The following SCML4 variants were observed in gnomAD, a reference collection of about 807,000 sequenced individuals.
SCML4 encodes the protein sex comb on midleg-like protein 4.
In SCML4, 34 loss-of-function variants were observed where a neutral mutation model predicts 41.1. The observed-to-expected ratio is 0.83, with a 90% CI of 0.63 to 1.10. SCML4 has a LOEUF of 1.10. Ranked by LOEUF, SCML4 falls within the 50% of genes least tolerant of loss-of-function variation. The pLI is 0.00. For missense variants in SCML4, 522 were observed against 534.1 expected, an observed-to-expected ratio of 0.98 and a Z score of 0.22; for synonymous variants, 214 against 220.9, an observed-to-expected ratio of 0.97 and a Z score of 0.28.
At chr6:107,751,913 G>A (rs183958628) in intron 2 of SCML4, among the ~76,000 whole-genome samples, 243 of 152,202 alleles carry the variant, frequency 1.6e-3, no homozygotes, top group African/African-American at 4.9e-3. Context: ...GATTACAGGC[G>A]TGAGCCACTG....
At chr6:107,827,228 A>C (rs1200173370), upstream of SCML4, among the ~76,000 whole-genome samples, 1 of 147,142 alleles carries the variant, frequency 6.8e-6, no homozygotes, top group Non-Finnish European at 1.5e-5. Context: ...ATATATCTTT[A>C]TATTTTTATT....
intron 5 of SCML4, among the ~76,000 whole-genome samples, chr6:107,737,813 G>A (rs1174969710): frequency 6.6e-6 from 1 of 152,146 alleles, no homozygotes; most frequent in Non-Finnish European, 1.5e-5. Flanking sequence ...TTTGGGTGAT[G>A]GGTGTCCTAA....
intron 1 of SCML4, among the ~76,000 whole-genome samples, chr6:107,785,141 T>A (rs938618785): frequency 2.4e-4 from 36 of 152,230 alleles, no homozygotes; most frequent in African/African-American, 7.5e-4. Context: ...TTTTATTTTC[T>A]AATTTTCTTA....
chr6:107,747,262 C>T (rs1778205175), intron 3 of SCML4, among the ~76,000 whole-genome samples: 1 of 152,198 alleles, frequency 6.6e-6, no homozygotes, highest in African/African-American at 2.4e-5. Context: ...TCCAAAGGAG[C>T]TGTCAAGCTA....
chr6:107,791,096 GC>G (rs1351206522), intron 1 of SCML4, among the ~76,000 whole-genome samples: 2 of 147,884 alleles, frequency 1.4e-5, no homozygotes, highest in Non-Finnish European at 3.0e-5. Flanking sequence ...CACTGAACAA[GC>G]CCAGGGTCAC....
intron 2 of SCML4, among the ~76,000 whole-genome samples, chr6:107,762,064 A>C (rs1399519378): frequency 6.6e-6 from 1 of 152,182 alleles, no homozygotes; most frequent in African/African-American, 2.4e-5. Flanking sequence ...AAAAGAAAAA[A>C]TTAAAATGCA....
rs1288347228 is a variant in SCML4 at position 107,824,274 on chromosome 6, G to C, written c.-208C>G. On this transcript the variant is annotated 5_prime_UTR_variant, in exon 1 of 8. Coordinates refer to ENST00000369020, the MANE Select transcript of SCML4 (RefSeq NM_198081.5). Reference sequence around the variant, plus strand: ...AGTAGCTCACAGTTAGTCTCCAGCAGCCCTGCGCTCCAGCTGCAAACATCT... The same window carrying C: ...AGTAGCTCACAGTTAGTCTCCAGCACCCCTGCGCTCCAGCTGCAAACATCT... 2 of 152,212 alleles carry C rather than the reference G, an allele frequency of 1.3e-5. No individual in the cohort carries two copies. Among genetic ancestry groups the C allele is most frequent in the African/African-American group, 4.8e-5 (2 of 41,418 alleles). The allele number at this position is 152,212 out of a possible 1,614,324, so 9.4% of individuals were successfully genotyped here. A position where few individuals can be genotyped will look rare whatever the true frequency, so the allele number is the denominator to read the frequency against.
At chr6:107,836,812 T>G in the SCML4 span, among the ~76,000 whole-genome samples, 1 of 152,194 alleles carries the variant, frequency 6.6e-6, no homozygotes, top group African/African-American at 2.4e-5. Context: ...AGAATCTGCC[T>G]ACATTTAGCC....
intron 1 of SCML4, among the ~76,000 whole-genome samples, chr6:107,805,934 G>T (rs943856920): frequency 2.0e-5 from 3 of 152,334 alleles, no homozygotes; most frequent in African/African-American, 7.2e-5. Context: ...TGGGAGCCAA[G>T]GGATTGTCAT....
chr6:107,816,169 A>G (rs1046664006), intron 1 of SCML4, among the ~76,000 whole-genome samples: 2 of 152,222 alleles, frequency 1.3e-5, no homozygotes, highest in African/African-American at 4.8e-5. Context: ...CCCCATTTGT[A>G]TGTTGGCAGT....
intron 5 of SCML4, among the ~76,000 whole-genome samples, chr6:107,744,470 C>A (rs1327788182): frequency 6.6e-6 from 1 of 152,212 alleles, no homozygotes; most frequent in Non-Finnish European, 1.5e-5. Flanking sequence ...ATAATAGACA[C>A]TTTGTTGCAC....
At position 107,782,532 on chromosome 6, in the gene SCML4, C is replaced by A. The variant is rs1781587875; in HGVS notation, c.-59-10146G>T. On this transcript the variant is annotated intron_variant, in intron 1 of 7. Coordinates refer to ENST00000369020, the MANE Select transcript of SCML4 (RefSeq NM_198081.5). ...TGCACGTGGGGCCCTGGGCTGTTTC[C>A]CTCAGCTGCATTTCTTACTCTTCTC... Among the ~76,000 whole-genome samples, 4 of 152,386 alleles carry A rather than the reference C, an allele frequency of 2.6e-5. No individual in the cohort carries two copies. The South Asian group carries it at 8.3e-4, about 32-fold the overall frequency.
chr6:107,799,700 A>G, intron 1 of SCML4, among the ~76,000 whole-genome samples: 1 of 151,734 alleles, frequency 6.6e-6, no homozygotes, highest in South Asian at 2.1e-4. Context: ...CCTGTAAATC[A>G]TTGCTTTCTT....
At chr6:107,806,554 C>T (rs550436730) in intron 1 of SCML4, among the ~76,000 whole-genome samples, 1 of 152,370 alleles carries the variant, frequency 6.6e-6, no homozygotes, top group East Asian at 1.9e-4. Flanking sequence ...ATGCTGGCCT[C>T]TGGTGGGCCC....
chr6:107,772,796 C>A (rs1780625745), intron 1 of SCML4, among the ~76,000 whole-genome samples: 1 of 152,184 alleles, frequency 6.6e-6, no homozygotes, highest in South Asian at 2.1e-4. Flanking sequence ...TCACTCCTAT[C>A]TCTTTGCTTG....
rs985542910 is a variant in SCML4 at position 107,755,219 on chromosome 6, G to A, written c.157-5406C>T. Among the ~76,000 whole-genome samples, 5 of 152,156 alleles carry A rather than the reference G, an allele frequency of 3.3e-5. No individual in the cohort carries two copies. In the East Asian group the frequency reaches 7.7e-4, roughly 23 times the overall value. ...ATTTCTGCCCAACTGAAATTACAGG[G>A]ATTAGATTAAATTGCCTGATTGCAA... is the stretch of plus-strand genomic sequence containing the variant. On this transcript the variant is annotated intron_variant, in intron 2 of 7. Coordinates refer to ENST00000369020, the MANE Select transcript of SCML4 (RefSeq NM_198081.5).
Position 107,739,787 on chromosome 6 carries a change from G to A in SCML4, c.682+5162C>T, listed in dbSNP as rs150483225. Among the ~76,000 whole-genome samples, 791 of 152,290 alleles carry A rather than the reference G, an allele frequency of 5.2e-3. 3 individuals carry two copies. The highest frequency in any genetic ancestry group is 8.4e-3 in the Admixed American group (128 of 15,304). On this transcript the variant is annotated intron_variant, in intron 5 of 7. Transcript: ENST00000369020. ...TTATTTAAAGAAACTTTGACAAGGC[G>A]ATCTTAAAGAGACAATGTCTTACTC... is the stretch of plus-strand genomic sequence containing the variant.
In SCML4 at chr6:107,772,226, GC is replaced by G. The variant is rs1433888038; in HGVS notation, c.101del (p.Gly34AlafsTer6). On this transcript the variant is annotated frameshift_variant, in exon 2 of 8. Coordinates refer to ENST00000369020, the MANE Select transcript of SCML4 (RefSeq NM_198081.5). LOFTEE classifies it high-confidence loss of function. ...TTGGGATCTTCACTGCTGGTAAAGA[GC>G]CAGCTGAAGCAGAATAAAGGTTATG... Reference protein sequence around the residue: ...AVHNLYSASAGSLPAVKIPKK... With the variant: ...AVHNLYSASAXSLPAVKIPKK... 5.8e-6 allele frequency: 9 copies of G among 1,551,492 alleles called. No homozygotes were observed. Among genetic ancestry groups the G allele is most frequent in the Non-Finnish European group, 7.8e-6 (9 of 1,146,952 alleles).
At position 107,705,106 on chromosome 6, in the gene SCML4, G is replaced by T; in HGVS notation, c.*94C>A. ...TCTGTGGCTGTTAATTTTAAGAGGA[G>T]AGTCTAGTTTGTGATGTTGGCGGGA... On this transcript the variant is annotated 3_prime_UTR_variant, in exon 8 of 8. Coordinates refer to ENST00000369020, the MANE Select transcript of SCML4 (RefSeq NM_198081.5). 1 of 1,111,392 alleles carries T rather than the reference G, an allele frequency of 9.0e-7. No homozygotes were observed. The highest frequency in any genetic ancestry group is 1.3e-6 in the Non-Finnish European group (1 of 751,292). The allele number at this position is 1,111,392 out of a possible 1,614,324, so 68.8% of individuals were successfully genotyped here.
Sources: allele counts gnomAD v4.1 joint callset (sites outside exome capture counted in the v4.1 genomes callset), GRCh38; gene constraint gnomAD v4.1.1; transcripts MANE v1.5; gene names NCBI Gene and HGNC (gene_info 2026-07-23, HGNC 2026-07-21).